RAP1GAP: variants seen among roughly 807,000 people sequenced by gnomAD.
The protein encoded by RAP1GAP is rap1 GTPase-activating protein 1.
RAP1GAP carries 35 observed loss-of-function variants against 87.2 expected under a neutral mutation model. That is an observed-to-expected ratio of 0.40 (90% CI 0.31 to 0.53). RAP1GAP has a LOEUF of 0.53. Among genes scored for constraint, RAP1GAP ranks in the 20% least tolerant of loss-of-function variants. RAP1GAP has a pLI of 0.48. For synonymous variants in RAP1GAP, 375 were observed against 363.9 expected, an observed-to-expected ratio of 1.03 and a Z score of -0.35; for missense variants, 734 against 898.9, an observed-to-expected ratio of 0.82 and a Z score of 2.35.
intron 2 of RAP1GAP, 96 bp downstream of exon 2, chr1:21,649,665 G>C (rs1026318723): frequency 4.9e-5 from 68 of 1,383,598 alleles, no homozygotes; most frequent in Non-Finnish European, 6.4e-5. Flanking sequence ...GCTTGGTAAG[G>C]TCTGGCCTGG....
intron 1 of RAP1GAP, among the ~76,000 whole-genome samples, chr1:21,655,528 G>A (rs1029056581): frequency 2.0e-5 from 3 of 152,350 alleles, no homozygotes; most frequent in East Asian, 3.9e-4. Flanking sequence ...TCACTGCTCC[G>A]CAGTCAGCAC....
Position 21,608,223 on chromosome 1 carries a change from T to A in RAP1GAP, c.1286A>T (p.Glu429Val), listed in dbSNP as rs763968823. The A allele has an allele frequency of 1.9e-6, 3 of 1,613,944 alleles. No homozygotes were observed. Among genetic ancestry groups the A allele is most frequent in the Non-Finnish European group, 2.5e-6 (3 of 1,179,920 alleles). ...ENGSGGGGFF[E>V]SFKRVIRSRS... is the part of the protein sequence containing the mutation. Reference sequence around the variant, plus strand: ...CCTGGGGCCCTTCACCTTGAAAGACTCAAAGAAGCCGCCGCCCCCACTGCC... The same window carrying A: ...CCTGGGGCCCTTCACCTTGAAAGACACAAAGAAGCCGCCGCCCCCACTGCC... The change falls in exon 17 of 25, where the codon GAG (glutamate) becomes GTG (valine). Residue 429 changes from glutamate (E) to valine (V), a missense_variant. By Grantham distance (121) the Glu-to-Val change is moderately radical. Around this residue, in one of 2 missense-constraint regions of RAP1GAP, gnomAD observed 485 missense variants for 646.2 expected, o/e 0.75. Transcript: ENST00000374765.
chr1:21,636,848 G>A (rs1190896372), intron 2 of RAP1GAP, among the ~76,000 whole-genome samples: 2 of 148,046 alleles, frequency 1.4e-5, no homozygotes, highest in East Asian at 4.0e-4. Context: ...AGAAGAAGAA[G>A]AAGGAGGAGG....
chr1:21,613,852 C>T lies in RAP1GAP; in HGVS notation c.395+134G>A, dbSNP rs572328645. On this transcript the variant is annotated intron_variant, in intron 8 of 24. Coordinates refer to ENST00000374765, the MANE Select transcript of RAP1GAP (RefSeq NM_002885.4). This position sits in a 1 kb window ranked among gnomAD's most constrained non-coding sequence, Gnocchi z 4.7. The stretch of plus-strand genomic sequence containing the variant: ...GGTGTCAGGCTGACTCGGGTACTAA[C>T]TTGCTGTGCAACCTCAAGCAAATCC... 3 of 1,134,442 alleles carry T rather than the reference C, an allele frequency of 2.6e-6. No homozygotes were observed. Among genetic ancestry groups the T allele is most frequent in the Middle Eastern group, 2.0e-4 (1 of 5,120 alleles). The allele number at this position is 1,134,442 out of a possible 1,614,324, so 70.3% of individuals were successfully genotyped here.
chr1:21,622,319 C>T lies in RAP1GAP; in HGVS notation c.-18-2269G>A, dbSNP rs1241822659. The T allele has an allele frequency of 7.9e-6, 4 of 504,750 alleles. No individual in the cohort carries two copies. Among genetic ancestry groups the T allele is most frequent in the African/African-American group, 4.1e-5 (2 of 49,324 alleles). 31.3% of individuals were successfully genotyped at this position (504,750 alleles called of 1,614,324 possible). A position where few individuals can be genotyped will look rare whatever the true frequency, so the allele number is the denominator to read the frequency against. ...CAGCCCCGGGGTCCCTCCGCCATGC[C>T]GCCCCGCCCGGGTCCTCACCTGCCA... On this transcript the variant is annotated intron_variant, in intron 3 of 24. Transcript: ENST00000374765. This position sits in a 1 kb window ranked among gnomAD's most constrained non-coding sequence, Gnocchi z 5.7.
In RAP1GAP at chr1:21,613,235, G is replaced by A. The variant is rs777102781; in HGVS notation, c.475-6C>T. ...TTGACGTCTTCACACACCAACTGCA[G>A]GAGGAGATAAGGGAGGGGTGTGAGG... On this transcript the variant is annotated splice_polypyrimidine_tract_variant and splice_region_variant and intron_variant, in intron 9 of 24. Transcript: ENST00000374765. The surrounding 1 kb of genome is among the most constrained non-coding windows in gnomAD (Gnocchi z 4.7). 2 of 1,553,122 alleles carry A rather than the reference G, an allele frequency of 1.3e-6. No homozygotes were observed. Among genetic ancestry groups the A allele is most frequent in the South Asian group, 1.1e-5 (1 of 89,786 alleles).
intron 19 of RAP1GAP, 50 bp from the exon 20 acceptor site, chr1:21,601,847 CA>C: frequency 7.2e-7 from 1 of 1,389,934 alleles, no homozygotes; most frequent in Non-Finnish European, 9.9e-7. Flanking sequence ...GGCCTGGCAT[CA>C]GGCGTAGCGT....
intron 2 of RAP1GAP, among the ~76,000 whole-genome samples, chr1:21,644,465 G>C (rs1182021999): frequency 6.6e-6 from 1 of 152,036 alleles, no homozygotes; most frequent in African/African-American, 2.4e-5. Context: ...CCTAAACCAG[G>C]GTTCATAACG....
rs1332096595 is a variant in RAP1GAP, at chr1:21,609,844, G to A, written c.1000-198C>T. Among the ~76,000 whole-genome samples the A allele has an allele frequency of 6.6e-6, 1 of 152,164 alleles. No individual in the cohort carries two copies. Among genetic ancestry groups the A allele is most frequent in the Non-Finnish European group, 1.5e-5 (1 of 68,028 alleles). ...AATTTTAGTGGTGGAGATGGGTAGG[G>A]GCCTTAGGAATCATCGGGATGGTGA... On this transcript the variant is annotated intron_variant, in intron 14 of 24. Coordinates refer to ENST00000374765, the MANE Select transcript of RAP1GAP (RefSeq NM_002885.4). This position sits in a 1 kb window ranked among gnomAD's most constrained non-coding sequence, Gnocchi z 4.4.
chr1:21,668,574 C>T lies in RAP1GAP; in HGVS notation c.-149+680G>A, dbSNP rs1320910125. 1 of 152,488 alleles carries T rather than the reference C, an allele frequency of 6.6e-6. No homozygotes were observed. Among genetic ancestry groups the T allele is most frequent in the Non-Finnish European group, 1.5e-5 (1 of 68,272 alleles). The allele number at this position is 152,488 out of a possible 1,614,324, so 9.4% of individuals were successfully genotyped here. ...AGGTTTCTTCCCCAAGCCCAGGCGCCCCGCAGCTGGCACCAAACCCTGCAG... is the reference window on the plus strand; with the variant it reads ...AGGTTTCTTCCCCAAGCCCAGGCGCTCCGCAGCTGGCACCAAACCCTGCAG... On this transcript the variant is annotated intron_variant, in intron 1 of 24. Coordinates refer to ENST00000374765, the MANE Select transcript of RAP1GAP (RefSeq NM_002885.4). This position sits in a 1 kb window ranked among gnomAD's most constrained non-coding sequence, Gnocchi z 6.2.
intron 1 of RAP1GAP, among the ~76,000 whole-genome samples, chr1:21,653,743 G>A (rs1448057302): frequency 6.6e-6 from 1 of 152,054 alleles, no homozygotes; most frequent in African/African-American, 2.4e-5. Flanking sequence ...GAAGAGCTAG[G>A]CCTGGGCTAT....
At chr1:21,626,226 T>G (rs2091973643) in intron 3 of RAP1GAP, 78 bp downstream of exon 3, 2 of 1,300,168 alleles carry the variant, frequency 1.5e-6, no homozygotes, top group Non-Finnish European at 2.2e-6. Flanking sequence ...AAGTCATTCT[T>G]GGGCCTTTCC....
Position 21,615,876 on chromosome 1 carries a change from C to G in RAP1GAP, c.291+1430G>C, listed in dbSNP as rs756230004. Among the ~76,000 whole-genome samples, 29 of 152,160 alleles carry G rather than the reference C, an allele frequency of 1.9e-4. No homozygotes were observed. Among genetic ancestry groups the G allele is most frequent in the Non-Finnish European group, 4.1e-4 (28 of 68,020 alleles). ...ACCACCTGCCAGACCCAGCTGGGAA[C>G]CTCTGGACAGCAGGTGCCTAGGATG... On this transcript the variant is annotated intron_variant, in intron 7 of 24. Coordinates refer to ENST00000374765, the MANE Select transcript of RAP1GAP (RefSeq NM_002885.4). The surrounding 1 kb of genome is among the most constrained non-coding windows in gnomAD (Gnocchi z 4.5).
At chr1:21,633,097 T>C (rs9426772) in intron 2 of RAP1GAP, among the ~76,000 whole-genome samples, 66,707 of 152,068 alleles carry the variant, frequency 0.44, 16,328 homozygotes, top group Admixed American at 0.56. Flanking sequence ...ATAGAGTTGC[T>C]ATAAAGTGCT....
At position 21,598,047 on chromosome 1, in the gene RAP1GAP, G is replaced by C; in HGVS notation, c.1897C>G (p.His633Asp). 6.3e-7 allele frequency: 1 copy of C among 1,575,508 alleles called. No homozygotes were observed. The highest frequency in any genetic ancestry group is 2.2e-4 in the Middle Eastern group (1 of 4,498). ...TCCCCCAACTTGCCGGCGTCTGGGT[G>C]GGGTGATCGAGAGGGGCCTGGGGAG... is the stretch of plus-strand genomic sequence containing the variant. The part of the protein sequence containing the change: ...GSSPGPSRSP[H>D]PDAGKLGDPA... The change falls in exon 23 of 25, where the codon CAC becomes GAC. Residue 633 changes from histidine (H) to aspartate (D), a missense_variant. His to Asp is a moderately conservative substitution (Grantham distance 81). Transcript: ENST00000374765.
At chr1:21,602,939 G>A (rs752993736) in intron 18 of RAP1GAP, 26 bp from the exon 19 acceptor site, 1 of 1,554,104 alleles carries the variant, frequency 6.4e-7, no homozygotes, top group Non-Finnish European at 8.8e-7. Context: ...CCAACTCAGT[G>A]CCACCTTACC....
At chr1:21,611,850 G>A (rs756417677) in intron 11 of RAP1GAP, 34 bp from the exon 12 acceptor site, 4 of 1,572,228 alleles carry the variant, frequency 2.5e-6, no homozygotes, top group Non-Finnish European at 8.8e-7. Context: ...TTGAGCTGGA[G>A]TTCCTGAGAA....
intron 2 of RAP1GAP, among the ~76,000 whole-genome samples, chr1:21,627,323 C>G (rs1217957229): frequency 1.3e-5 from 2 of 152,042 alleles, no homozygotes; most frequent in South Asian, 4.2e-4. Flanking sequence ...TCAGGCAGAG[C>G]CGGGGCTGCC....
intron 1 of RAP1GAP, among the ~76,000 whole-genome samples, chr1:21,652,172 G>T (rs2096632084): frequency 1.6e-5 from 1 of 62,778 alleles, no homozygotes; most frequent in South Asian, 4.9e-4. Context: ...CCCTCCTCCC[G>T]CCCCCTCGAG....
Sources: gnomAD v4.1 joint callset for allele counts (sites outside exome capture counted in the v4.1 genomes callset) on GRCh38, gnomAD v4.1.1 for gene constraint, gnomAD v4.1.1 regional missense constraint, Gnocchi (gnomAD v3.1) non-coding constraint, MANE v1.5 for transcripts, NCBI Gene and HGNC (gene_info 2026-07-23, HGNC 2026-07-21) for gene names.